Variants in ZNF493 observed in about 807,000 individuals in gnomAD.
ZNF493 encodes the protein zinc finger protein 493.
In ZNF493, 11 loss-of-function variants were observed where a neutral mutation model predicts 12.2. The observed-to-expected ratio is 0.90, with a 90% CI of 0.57 to 1.50. ZNF493 has a LOEUF of 1.50. Ranked by LOEUF, ZNF493 falls within the 40% of genes most tolerant of loss-of-function variation. The probability of loss-of-function intolerance (pLI) is 0.00; values close to 1 mark genes in which losing one functional copy is unlikely to be tolerated. For synonymous variants in ZNF493, 286 were observed against 302.6 expected (o/e 0.95, Z 0.57); for missense variants, 950 against 906.6 (o/e 1.05, Z -0.61).
In ZNF493 at chr19:21,425,257, T is replaced by C. The variant is rs1457977185; in HGVS notation, c.*273T>C. 9 of 490,554 alleles carry C rather than the reference T, an allele frequency of 1.8e-5. No individual in the cohort carries two copies. The highest frequency in any genetic ancestry group is 3.4e-5 in the Non-Finnish European group (9 of 260,996). The allele number at this position is 490,554 out of a possible 1,614,324, so 30.4% of individuals were successfully genotyped here. A position where few individuals can be genotyped will look rare whatever the true frequency, so the allele number is the denominator to read the frequency against. On this transcript the variant is annotated 3_prime_UTR_variant, in exon 4 of 4. Coordinates refer to ENST00000392288, the MANE Select transcript of ZNF493 (RefSeq NM_001076678.3). ...ACTAAACATAAGAGAATTCATACCA[T>C]AGAGAAATCCTACAAATATGAAGAA...
In ZNF493 at chr19:21,423,054, G is replaced by A. The variant is rs1193039618; in HGVS notation, c.395G>A (p.Cys132Tyr). The change falls in exon 4 of 4, where the codon TGT becomes TAT. Residue 132 changes from cysteine (C) to tyrosine (Y), a missense_variant. Cys to Tyr is a radical substitution (Grantham distance 194, BLOSUM62 -2). Transcript: ENST00000392288. ...AAAGGATGTAAAAGTATGAATGAGT[G>A]TAATGTGCACAAAGAAGGTTATAAT... ...LRKGCKSMNE[C>Y]NVHKEGYNEL... 1.2e-6 allele frequency: 2 copies of A among 1,613,712 alleles called. No homozygotes were observed. Among genetic ancestry groups the A allele is most frequent in the Non-Finnish European group, 1.7e-6 (2 of 1,179,814 alleles).
At position 21,405,803 on chromosome 19, in the gene ZNF493, A is replaced by G. The variant is rs1368747408; in HGVS notation, c.200A>G (p.Gln67Arg). ...CCAGATCTGGTCACCTGTCTGGAGCAAGGAAAAGATCCCTGGAATATGAAG... is the reference window on the plus strand; with the variant it reads ...CCAGATCTGGTCACCTGTCTGGAGCGAGGAAAAGATCCCTGGAATATGAAG... ...SKPDLVTCLE[Q>R]GKDPWNMKGH... is the part of the protein sequence containing the mutation. The change falls in exon 3 of 4, where the codon CAA (glutamine) becomes CGA (arginine). Residue 67 changes from glutamine to arginine, a missense_variant. By Grantham distance (43) the Gln-to-Arg change is conservative. Transcript: ENST00000392288. 4.3e-6 allele frequency: 7 copies of G among 1,610,452 alleles called. No homozygotes were observed. In the African/African-American group the frequency reaches 9.4e-5, roughly 22 times the overall value.
At chr19:21,399,237 T>A (rs935668954) in intron 1 of ZNF493, among the ~76,000 whole-genome samples, 2 of 152,178 alleles carry the variant, frequency 1.3e-5, no homozygotes, top group African/African-American at 4.8e-5. Context: ...CTCGGCTCGC[T>A]GAAAGCTCTC....
At chr19:21,405,907 TAA>T (rs386388731) in intron 3 of ZNF493, 51 bp downstream of exon 3, 3,035 of 179,488 alleles carry the variant, frequency 0.017, no homozygotes, top group South Asian at 0.032. Context: ...TTGAAAGATT[TAA>T]AAAAAAAAAA....
chr19:21,413,147 G>T, intron 3 of ZNF493: 1 of 306,582 alleles, frequency 3.3e-6, no homozygotes, highest in Non-Finnish European at 6.2e-6. Flanking sequence ...GTTCTGCAAT[G>T]CAATCTTTCT....
intron 3 of ZNF493, among the ~76,000 whole-genome samples, chr19:21,415,660 G>A (rs1452095478): frequency 6.6e-6 from 1 of 152,174 alleles, no homozygotes; most frequent in Non-Finnish European, 1.5e-5. Context: ...TATTTTATGA[G>A]TAGGTCAATT....
At position 21,423,208 on chromosome 19, in the gene ZNF493, A is replaced by G. The variant is rs1015665037; in HGVS notation, c.549A>G (p.Lys183=). 4.3e-6 allele frequency: 7 copies of G among 1,613,846 alleles called. No individual in the cohort carries two copies. In the African/African-American group the frequency reaches 8.0e-5, roughly 18 times the overall value. The part of the protein sequence containing the change: ...NTKHTGKKPF[K]CKKCGKSFCM... Reference sequence around the variant, plus strand: ...AACATACTGGAAAGAAACCTTTCAAATGTAAAAAATGTGGCAAATCATTTT... The same window carrying G: ...AACATACTGGAAAGAAACCTTTCAAGTGTAAAAAATGTGGCAAATCATTTT... The change falls in exon 4 of 4, where the codon AAA becomes AAG. Residue 183 remains lysine (K), a synonymous_variant. Transcript: ENST00000392288.
chr19:21,424,659 G>T lies in ZNF493; in HGVS notation c.2000G>T (p.Ser667Ile). The part of the protein sequence containing the change: ...YKCEECGKAF[S>I]IFSTLTKHKI... ...TGTGAAGAATGTGGCAAAGCCTTTA[G>T]TATATTCTCAACCCTTACTAAACAT... The change falls in exon 4 of 4, where the codon AGT (serine) becomes ATT (isoleucine). Residue 667 changes from serine to isoleucine, a missense_variant. Transcript: ENST00000392288. 6.2e-7 allele frequency: 1 copy of T among 1,612,214 alleles called. No homozygotes were observed. The highest frequency in any genetic ancestry group is 8.5e-7 in the Non-Finnish European group (1 of 1,179,296).
chr19:21,414,368 A>G (rs2030418212), intron 3 of ZNF493: 1 of 152,380 alleles, frequency 6.6e-6, no homozygotes, highest in African/African-American at 2.4e-5. Context: ...CTTTCCAGGT[A>G]ATGCTGTATC....
rs1180417452 is a variant in ZNF493, at chr19:21,422,951, C to A, written c.292C>A (p.Pro98Thr). ...SHFAEDFCPGPGIKDSFQKVI... is the reference protein window; with the variant it reads ...SHFAEDFCPGTGIKDSFQKVI... The stretch of plus-strand genomic sequence containing the variant: ...TTTTGCTGAAGACTTTTGCCCAGGG[C>A]CAGGCATTAAAGATTCTTTTCAAAA... Residue 98 changes from proline (P) to threonine (T), a missense_variant, in exon 4 of 4, where the codon CCA becomes ACA. Physicochemically the swap from Pro to Thr is conservative, Grantham distance 38 (BLOSUM62 -1). Coordinates refer to ENST00000392288, the MANE Select transcript of ZNF493 (RefSeq NM_001076678.3). 34 of 1,585,326 alleles carry A rather than the reference C, an allele frequency of 2.1e-5. No homozygotes were observed. The highest frequency in any genetic ancestry group is 2.8e-5 in the Non-Finnish European group (33 of 1,167,842).
Position 21,425,353 on chromosome 19 carries a change from A to T in ZNF493, c.*369A>T. 2.4e-6 allele frequency: 1 copy of T among 415,386 alleles called. No homozygotes were observed. The highest frequency in any genetic ancestry group is 4.7e-6 in the Non-Finnish European group (1 of 211,644). The allele number at this position is 415,386 out of a possible 1,614,324, so 25.7% of individuals were successfully genotyped here. ...ATAATTCATACTGGAAGGAAACCCT[A>T]CAAATATGAGGAATGTCTCAAAGCT... On this transcript the variant is annotated 3_prime_UTR_variant, in exon 4 of 4. Coordinates refer to ENST00000392288, the MANE Select transcript of ZNF493 (RefSeq NM_001076678.3).
In ZNF493 at chr19:21,397,263, A is replaced by C. The variant is rs1220532050; in HGVS notation, c.26A>C (p.Asp9Ala). The C allele has an allele frequency of 1.2e-6, 2 of 1,614,226 alleles. No individual in the cohort carries two copies. The highest frequency in any genetic ancestry group is 1.7e-6 in the Non-Finnish European group (2 of 1,180,042). MPGPPESL[D>A]MGPLTFRDVA... ...ATGCCAGGACCCCCTGAAAGCCTAG[A>C]CATGGTGAGAGTGCTGGGTCCGACA... Residue 9 changes from aspartate (D) to alanine (A), a missense_variant, in exon 1 of 4, where the codon GAC becomes GCC. Asp to Ala is a moderately radical substitution (Grantham distance 126). Transcript: ENST00000392288.
At chr19:21,401,694 C>T (rs1187607946) in intron 1 of ZNF493, among the ~76,000 whole-genome samples, 2 of 151,680 alleles carry the variant, frequency 1.3e-5, no homozygotes, top group Non-Finnish European at 2.9e-5. Flanking sequence ...GGCACAGTCT[C>T]AGCTCACTGC....
intron 1 of ZNF493, among the ~76,000 whole-genome samples, chr19:21,399,271 C>T (rs927007609): frequency 5.9e-5 from 9 of 152,126 alleles, no homozygotes; most frequent in African/African-American, 2.2e-4. Context: ...CGCCATTCTC[C>T]TGCCTCAGCC....
intron 3 of ZNF493, 147 bp downstream of exon 3, chr19:21,406,003 C>G: frequency 1.9e-6 from 1 of 513,188 alleles, no homozygotes; most frequent in Admixed American, 3.8e-5. Context: ...GGTGGATCAC[C>G]TGAGCTCAGG....
At chr19:21,411,163 G>C (rs2030312705) in intron 3 of ZNF493, among the ~76,000 whole-genome samples, 1 of 152,116 alleles carries the variant, frequency 6.6e-6, no homozygotes, top group Non-Finnish European at 1.5e-5. Flanking sequence ...TTTCATCAGT[G>C]TTGATGTTTT....
rs2030866432 is a variant in ZNF493 at position 21,426,772 on chromosome 19, T to C, written c.*1788T>C. The C allele has an allele frequency of 1.8e-5, 3 of 167,028 alleles. No homozygotes were observed. Among genetic ancestry groups the C allele is most frequent in the Non-Finnish European group, 4.4e-5 (3 of 68,088 alleles). 10.3% of individuals were successfully genotyped at this position (167,028 alleles called of 1,614,324 possible). ...AAAAAAATTTTAATCCAAATTTGTC[T>C]ATGTAAATACCAGAATTTATAGTAG... On this transcript the variant is annotated 3_prime_UTR_variant, in exon 4 of 4. Coordinates refer to ENST00000392288, the MANE Select transcript of ZNF493 (RefSeq NM_001076678.3).
intron 1 of ZNF493, among the ~76,000 whole-genome samples, chr19:21,399,859 G>T (rs981655132): frequency 1.3e-5 from 2 of 152,106 alleles, no homozygotes; most frequent in African/African-American, 2.4e-5. Context: ...GTAGGTAATT[G>T]GTGAGTTACG....
rs766934918 is a variant in ZNF493, at chr19:21,420,655, T to TTC, written c.254-2258_254-2257insTC. On this transcript the variant is annotated intron_variant, in intron 3 of 3. Coordinates refer to ENST00000392288, the MANE Select transcript of ZNF493 (RefSeq NM_001076678.3). The stretch of plus-strand genomic sequence containing the variant: ...TTTTTTTTTTTTTTTTTTTTTTTTT[T>TTC]CAGAACTTTGACTATATCACACAAT... 4.4e-3 allele frequency among the ~76,000 whole-genome samples: 203 copies of TTC among 46,488 alleles called. 34 individuals are homozygous for TTC. The highest frequency in any genetic ancestry group is 5.8e-3 in the East Asian group (7 of 1,208). 30.5% of individuals were successfully genotyped at this position (46,488 alleles called of 152,430 possible).
Sources: gnomAD v4.1 joint callset for allele counts (sites outside exome capture counted in the v4.1 genomes callset) on GRCh38, gnomAD v4.1.1 for gene constraint, MANE v1.5 for transcripts, NCBI Gene and HGNC (gene_info 2026-07-23, HGNC 2026-07-21) for gene names.